The following TAB1 variants were observed in gnomAD, a reference collection of about 807,000 sequenced individuals.
TAB1 encodes the protein TGF-beta activated kinase 1 (MAP3K7) binding protein 1.
In TAB1, 30 loss-of-function variants were observed where a neutral mutation model predicts 54.5. That is an observed-to-expected ratio of 0.55 (90% CI 0.41 to 0.75). TAB1 has a LOEUF of 0.75. Among genes scored for constraint, TAB1 ranks in the 30% least tolerant of loss-of-function variants. The probability of loss-of-function intolerance (pLI) is 0.00; values close to 1 mark genes in which losing one functional copy is unlikely to be tolerated. For missense variants in TAB1, 609 were observed against 683.2 expected, an observed-to-expected ratio of 0.89 and a Z score of 1.21; for synonymous variants, 289 against 286.9, an observed-to-expected ratio of 1.01 and a Z score of -0.07.
downstream of TAB1, among the ~76,000 whole-genome samples, chr22:39,435,986 A>G (rs142773505): frequency 6.4e-4 from 98 of 152,326 alleles, no homozygotes; most frequent in African/African-American, 2.3e-3. Flanking sequence ...CTTTTTAAAA[A>G]AATAAAAATA....
At position 39,414,857 on chromosome 22, in the gene TAB1, A is replaced by G. The variant is rs893010815; in HGVS notation, c.34-149A>G. The G allele has an allele frequency of 6.1e-6, 5 of 817,616 alleles. No individual in the cohort carries two copies. The African/African-American group carries it at 6.9e-5, about 11-fold the overall frequency. The allele number at this position is 817,616 out of a possible 1,614,324, so 50.6% of individuals were successfully genotyped here. ...CAAACCCTTCTGCAGGTGTCTGTTC[A>G]TACAAACATTATTGTTTTCCAGAAG... On this transcript the variant is annotated intron_variant, in intron 1 of 10. Coordinates refer to ENST00000216160, the MANE Select transcript of TAB1 (RefSeq NM_006116.3).
chr22:39,434,527 C>T (rs553308058), downstream of TAB1, among the ~76,000 whole-genome samples: 25 of 152,354 alleles, frequency 1.6e-4, no homozygotes, highest in African/African-American at 4.8e-4. Flanking sequence ...CCGATGAGCT[C>T]GGCATGAGCA....
intron 1 of TAB1, among the ~76,000 whole-genome samples, chr22:39,402,474 G>A (rs1448216272): frequency 6.6e-6 from 1 of 152,190 alleles, no homozygotes; most frequent in Non-Finnish European, 1.5e-5. Flanking sequence ...GGGTATGCTG[G>A]GGCCACTTGG....
chr22:39,405,085 A>G (rs544890359), intron 1 of TAB1, among the ~76,000 whole-genome samples: 88 of 152,334 alleles, frequency 5.8e-4, no homozygotes, highest in Non-Finnish European at 1.0e-3. Flanking sequence ...TGGCCTTTTC[A>G]TAGCATAATT....
In TAB1 at chr22:39,430,201, G is replaced by A. The variant is rs763886978; in HGVS notation, c.1494G>A (p.Gln498=). 1.2e-6 allele frequency: 2 copies of A among 1,613,120 alleles called. No homozygotes were observed. Among genetic ancestry groups the A allele is most frequent in the South Asian group, 2.2e-5 (2 of 91,086 alleles). Residue 498 remains glutamine, a synonymous_variant, in exon 11 of 11, where the codon CAG becomes CAA. Transcript: ENST00000216160. Reference sequence around the variant, plus strand: ...TCTGGAGCGTGGACCATGGCGAGCAGAGCGTGGTGACAGCACCGTAGGGCA... The same window carrying A: ...TCTGGAGCGTGGACCATGGCGAGCAAAGCGTGGTGACAGCACCGTAGGGCA... The part of the protein sequence containing the change: ...YRLWSVDHGE[Q]SVVTAP
intron 8 of TAB1, among the ~76,000 whole-genome samples, chr22:39,425,944 G>A (rs900262884): frequency 3.4e-5 from 5 of 147,210 alleles, no homozygotes; most frequent in African/African-American, 7.6e-5. Context: ...TGCAACCTCC[G>A]TCTCCTGGGC....
chr22:39,402,533 G>A (rs1196866135), intron 1 of TAB1, among the ~76,000 whole-genome samples: 1 of 152,138 alleles, frequency 6.6e-6, no homozygotes, highest in Non-Finnish European at 1.5e-5. Context: ...TACCTTGAAA[G>A]GTCTTTTGAA....
chr22:39,432,203 T>C (rs887610970), downstream of TAB1, among the ~76,000 whole-genome samples: 1 of 152,180 alleles, frequency 6.6e-6, no homozygotes, highest in Non-Finnish European at 1.5e-5. Context: ...CCAACTCCAC[T>C]CTGCTGAGAG....
chr22:39,433,050 C>T, downstream of TAB1: 1 of 985,460 alleles, frequency 1.0e-6, no homozygotes, highest in Non-Finnish European at 1.2e-6. Flanking sequence ...CAAAGTGGCC[C>T]TCTCCAGCCT....
intron 7 of TAB1, 36 bp from the exon 8 acceptor site, chr22:39,421,790 TC>T (rs1298227646): frequency 6.2e-7 from 1 of 1,612,654 alleles, no homozygotes; most frequent in Non-Finnish European, 8.5e-7. Flanking sequence ...TGCGGGCTGT[TC>T]CAAGCAAAGC....
chr22:39,412,894 T>TC (rs1926666016), intron 1 of TAB1, among the ~76,000 whole-genome samples: 1 of 144,024 alleles, frequency 6.9e-6, no homozygotes, highest in Non-Finnish European at 1.5e-5. Flanking sequence ...TCCTGCAACT[T>TC]TTTTTTTTTT....
downstream of TAB1, chr22:39,433,758 C>G (rs1218091534): frequency 1.0e-6 from 1 of 985,322 alleles, no homozygotes; most frequent in Non-Finnish European, 1.2e-6. Flanking sequence ...GGAGCGACTC[C>G]AGGCTGCTCA....
At chr22:39,423,229 A>T (rs1927172297) in intron 8 of TAB1, among the ~76,000 whole-genome samples, 1 of 152,010 alleles carries the variant, frequency 6.6e-6, no homozygotes, top group African/African-American at 2.4e-5. Flanking sequence ...GTCTCAAGTG[A>T]TCCTCCTACC....
At chr22:39,435,237 C>G (rs1927738937), downstream of TAB1, among the ~76,000 whole-genome samples, 1 of 152,150 alleles carries the variant, frequency 6.6e-6, no homozygotes, top group Non-Finnish European at 1.5e-5. Flanking sequence ...ACAAAAATAG[C>G]ATTATCTTTT....
chr22:39,436,748 A>C, downstream of TAB1: 1 of 603,170 alleles, frequency 1.7e-6, no homozygotes, highest in Non-Finnish European at 2.9e-6. Flanking sequence ...TCCCTCACCT[A>C]GAATGGCCCA....
chr22:39,434,645 C>T (rs1449708764), downstream of TAB1, among the ~76,000 whole-genome samples: 1 of 152,228 alleles, frequency 6.6e-6, no homozygotes, highest in Non-Finnish European at 1.5e-5. Context: ...TGTCTGACAG[C>T]TGGCTTTGAG....
intron 6 of TAB1, 27 bp from the exon 7 acceptor site, chr22:39,419,492 G>A: frequency 6.5e-7 from 1 of 1,547,884 alleles, no homozygotes; most frequent in South Asian, 1.1e-5. Flanking sequence ...ACAAGAAGCA[G>A]GATTGTTGCA....
At chr22:39,405,079 C>G (rs1382801354) in intron 1 of TAB1, among the ~76,000 whole-genome samples, 2 of 152,188 alleles carry the variant, frequency 1.3e-5, no homozygotes, top group African/African-American at 4.8e-5. Context: ...AACACTTGGC[C>G]TTTTCATAGC....
chr22:39,426,238 C>T (rs959432449), intron 8 of TAB1, among the ~76,000 whole-genome samples: 1 of 152,240 alleles, frequency 6.6e-6, no homozygotes, highest in African/African-American at 2.4e-5. Flanking sequence ...GTATACTAGA[C>T]AGGGACTTCT....
Sources: allele counts gnomAD v4.1 joint callset (sites outside exome capture counted in the v4.1 genomes callset), GRCh38; gene constraint gnomAD v4.1.1; transcripts MANE v1.5; gene names NCBI Gene and HGNC (gene_info 2026-07-23, HGNC 2026-07-21).